The following RPIA variants were observed in gnomAD, a reference collection of about 807,000 sequenced individuals.
RPIA encodes the protein ribose-5-phosphate isomerase.
RPIA carries 29 observed loss-of-function variants against 37.8 expected under a neutral mutation model. The ratio of observed to expected loss-of-function variants is 0.77; its 90% CI spans 0.57 to 1.05. The LOEUF (loss-of-function observed/expected upper bound fraction) is 1.05. Ranked by LOEUF, RPIA falls within the 50% of genes least tolerant of loss-of-function variation. The probability of loss-of-function intolerance (pLI) is 0.00; values close to 1 mark genes in which losing one functional copy is unlikely to be tolerated. For missense variants in RPIA, 385 were observed against 413.6 expected (o/e 0.93, Z 0.60); for synonymous variants, 167 against 157.0 (o/e 1.06, Z -0.48).
At chr2:88,709,228 G>A (rs1672933931) in intron 3 of RPIA, among the ~76,000 whole-genome samples, 1 of 152,232 alleles carries the variant, frequency 6.6e-6, no homozygotes, top group Non-Finnish European at 1.5e-5. Flanking sequence ...AGTTCCCCAA[G>A]AGGGAATTAT....
At position 88,706,427 on chromosome 2, in the gene RPIA, A is replaced by G. The variant is rs370746492; in HGVS notation, c.402+6363A>G. ...AGGGACATGGATAGAGCTGGAAGCC[A>G]TTATCCTCAGCAAACTAACACAGGA... On this transcript the variant is annotated intron_variant, in intron 3 of 8. Transcript: ENST00000283646. Among the ~76,000 whole-genome samples, 70 of 152,164 alleles carry G rather than the reference A, an allele frequency of 4.6e-4. No homozygotes were observed. The East Asian group carries it at 0.012, about 26-fold the overall frequency.
chr2:88,735,782 G>A, intron 6 of RPIA, 45 bp downstream of exon 6: 6 of 1,581,392 alleles, frequency 3.8e-6, no homozygotes, highest in Non-Finnish European at 4.3e-6. Context: ...AGGTAGATTG[G>A]ATCCCCAAGC....
At chr2:88,741,713 C>T (rs1380784826) in intron 8 of RPIA, among the ~76,000 whole-genome samples, 1 of 152,112 alleles carries the variant, frequency 6.6e-6, no homozygotes, top group African/African-American at 2.4e-5. Flanking sequence ...GAAAGTATTC[C>T]CTTTTCACTG....
intron 6 of RPIA, among the ~76,000 whole-genome samples, chr2:88,736,145 G>T (rs1558699056): frequency 6.6e-6 from 1 of 152,306 alleles, no homozygotes; most frequent in South Asian, 2.1e-4. Flanking sequence ...TTTGCCGCAG[G>T]TGACTGGTGT....
intron 3 of RPIA, among the ~76,000 whole-genome samples, chr2:88,716,918 T>G (rs932658929): frequency 1.3e-5 from 2 of 152,206 alleles, no homozygotes; most frequent in African/African-American, 4.8e-5. Context: ...AAACTCTCCA[T>G]TTTTATGCTT....
chr2:88,713,118 A>ATTTTTTTTT (rs1180342481), intron 3 of RPIA, among the ~76,000 whole-genome samples: 1 of 45,308 alleles, frequency 2.2e-5, no homozygotes, highest in Non-Finnish European at 3.9e-5. Context: ...ATATATATAT[A>ATTTTTTTTT]TATTTTTTTT....
chr2:88,723,957 G>A (rs766491931), intron 3 of RPIA, among the ~76,000 whole-genome samples: 10 of 152,264 alleles, frequency 6.6e-5, no homozygotes, highest in East Asian at 1.9e-4. Context: ...GAGACAAATG[G>A]TTGCATTCTT....
chr2:88,750,135 C>T lies in RPIA; in HGVS notation c.*57C>T, dbSNP rs947893107. 6.3e-5 allele frequency: 76 copies of T among 1,207,462 alleles called. 1 individual carries two copies. The highest frequency in any genetic ancestry group is 4.0e-4 in the South Asian group (33 of 81,684). 74.8% of individuals were successfully genotyped at this position (1,207,462 alleles called of 1,614,324 possible). The stretch of plus-strand genomic sequence containing the variant: ...GTCTCCAGCCCACAGCCAAGGTGGA[C>T]GTACCTCTCCAGGAGCCTTTGCCTT... On this transcript the variant is annotated 3_prime_UTR_variant, in exon 9 of 9. Transcript: ENST00000283646.
intron 3 of RPIA, among the ~76,000 whole-genome samples, chr2:88,721,571 A>ACACCC (rs1450673599): frequency 1.3e-4 from 3 of 22,966 alleles, no homozygotes; most frequent in Non-Finnish European, 1.6e-4. Flanking sequence ...ACACACACAC[A>ACACCC]CCCCCCCCCC....
At chr2:88,697,004 T>TGAA (rs1294154003) in intron 1 of RPIA, among the ~76,000 whole-genome samples, 1 of 152,226 alleles carries the variant, frequency 6.6e-6, no homozygotes, top group Non-Finnish European at 1.5e-5. Context: ...AGTAAAAAAA[T>TGAA]CTTAAAATGA....
intron 3 of RPIA, among the ~76,000 whole-genome samples, chr2:88,712,150 G>A (rs1342879719): frequency 6.6e-6 from 1 of 152,204 alleles, no homozygotes; most frequent in Non-Finnish European, 1.5e-5. Flanking sequence ...CCATCAGTCA[G>A]TTGGGAGGCA....
Position 88,691,873 on chromosome 2 carries a change from A to C in RPIA, c.175A>C (p.Ser59Arg). 1 of 1,595,498 alleles carries C rather than the reference A, an allele frequency of 6.3e-7. No homozygotes were observed. The highest frequency in any genetic ancestry group is 8.5e-7 in the Non-Finnish European group (1 of 1,172,320). The stretch of plus-strand genomic sequence containing the variant: ...GACCCGTGGCGGTGCTGGCAACACA[A>C]GCACCAGCTGCGGGGACTCCAACAG... The part of the protein sequence containing the change: ...SGTRGGAGNT[S>R]TSCGDSNSIC... Residue 59 changes from serine (S) to arginine (R), a missense_variant, in exon 1 of 9, where the codon AGC (serine) becomes CGC (arginine). Ser to Arg is a moderately radical substitution (Grantham distance 110). This residue lies in a region of RPIA where 232 missense variants were observed against 203.0 expected (regional missense o/e 1.14). Coordinates refer to ENST00000283646, the MANE Select transcript of RPIA (RefSeq NM_144563.3).
chr2:88,714,167 G>T (rs7587788), intron 3 of RPIA, among the ~76,000 whole-genome samples: 63,932 of 143,986 alleles, frequency 0.44, 14,166 homozygotes, highest in African/African-American at 0.59. Context: ...TTGTTTTTTT[G>T]TTTGTTTGTT....
intron 2 of RPIA, among the ~76,000 whole-genome samples, chr2:88,699,264 C>A (rs1672800255): frequency 6.6e-6 from 1 of 152,220 alleles, no homozygotes; most frequent in South Asian, 2.1e-4. Flanking sequence ...ACCTTTCAAT[C>A]TTAACCAAGT....
intron 8 of RPIA, among the ~76,000 whole-genome samples, chr2:88,745,570 ATAAT>A (rs989899784): frequency 1.3e-5 from 2 of 152,020 alleles, no homozygotes; most frequent in African/African-American, 2.4e-5. Context: ...TTCTTGGCTG[ATAAT>A]TAATTTGTTT....
At chr2:88,715,745 A>G (rs962659326) in intron 3 of RPIA, among the ~76,000 whole-genome samples, 3 of 152,076 alleles carry the variant, frequency 2.0e-5, no homozygotes, top group Admixed American at 1.3e-4. Flanking sequence ...TTTGTTTCTT[A>G]TTCCTGCATT....
intron 8 of RPIA, among the ~76,000 whole-genome samples, chr2:88,742,525 ATGTGGGCTCTT>A (rs1673394307): frequency 6.6e-6 from 1 of 152,094 alleles, no homozygotes; most frequent in African/African-American, 2.4e-5. Context: ...TGCTTTGGCT[ATGTGGGCTCTT>A]TGCTTTTCCA....
chr2:88,738,373 C>T (rs1013670749), intron 8 of RPIA, among the ~76,000 whole-genome samples: 3 of 152,210 alleles, frequency 2.0e-5, no homozygotes, highest in Non-Finnish European at 4.4e-5. Context: ...ATAAGGCCAT[C>T]GTCTCTGGGT....
rs777232676 is a variant in RPIA at position 88,735,745 on chromosome 2, T to G, written c.596+8T>G. The G allele has an allele frequency of 3.1e-6, 5 of 1,613,620 alleles. No homozygotes were observed. Among genetic ancestry groups the G allele is most frequent in the Non-Finnish European group, 4.2e-6 (5 of 1,179,618 alleles). On this transcript the variant is annotated splice_region_variant and intron_variant, in intron 6 of 8. Transcript: ENST00000283646. ...CGTGATCGCTGATTTCAGGTACAGT[T>G]TCTGGTGTCTGAGCTGCCAACTGAG...
Sources: allele counts gnomAD v4.1 joint callset (sites outside exome capture counted in the v4.1 genomes callset), GRCh38; gene constraint gnomAD v4.1.1; regional missense constraint gnomAD v4.1.1; transcripts MANE v1.5; gene names NCBI Gene and HGNC (gene_info 2026-07-23, HGNC 2026-07-21).